OS9: variants seen among roughly 807,000 people sequenced by gnomAD.
OS9 encodes protein OS-9.
OS9 carries 58 observed loss-of-function variants against 84.7 expected under a neutral mutation model. The ratio of observed to expected loss-of-function variants is 0.68; its 90% CI spans 0.55 to 0.85. The LOEUF (loss-of-function observed/expected upper bound fraction) is 0.85, where lower values mean the gene tolerates loss of function less well. Among genes scored for constraint, OS9 ranks in the 40% least tolerant of loss-of-function variants. OS9 has a pLI of 0.00. For synonymous variants in OS9, 278 were observed against 320.8 expected (o/e 0.87, Z 1.43); for missense variants, 760 against 850.9 (o/e 0.89, Z 1.33).
rs1428938211 is a variant in OS9, at chr12:57,720,182, A to G, written c.1684A>G (p.Met562Val). ...GPNQDLTVLE[M>V]KRENPQLKQI... ...TAATCAGGATCTGACTGTCCTCGAG[A>G]TGAAACGGGAAAACCCACAGCTGAA... The change falls in exon 13 of 15, where the codon ATG becomes GTG. Residue 562 changes from methionine to valine, a missense_variant. Physicochemically the swap from Met to Val is conservative, Grantham distance 21. Coordinates refer to ENST00000315970, the MANE Select transcript of OS9 (RefSeq NM_006812.4). The G allele has an allele frequency of 6.2e-7, 1 of 1,614,112 alleles. No individual in the cohort carries two copies. Among genetic ancestry groups the G allele is most frequent in the Non-Finnish European group, 8.5e-7 (1 of 1,180,014 alleles).
In OS9 at chr12:57,695,801, G is replaced by A. The variant is rs1953809737; in HGVS notation, c.361G>A (p.Glu121Lys). The A allele has an allele frequency of 1.2e-6, 2 of 1,611,060 alleles. No homozygotes were observed. Among genetic ancestry groups the A allele is most frequent in the Non-Finnish European group, 1.7e-6 (2 of 1,177,230 alleles). The change falls in exon 3 of 15, where the codon GAA (glutamate) becomes AAA (lysine). Residue 121 changes from glutamate to lysine, a missense_variant. Physicochemically the swap from Glu to Lys is moderately conservative, Grantham distance 56. Transcript: ENST00000315970. ...TCAGACAAAGGACTGGTGGACATAT[G>A]AATTCTGTTATGGACGCCACATCCA... Reference protein sequence around the residue: ...LLKTKDWWTYEFCYGRHIQQY... With the variant: ...LLKTKDWWTYKFCYGRHIQQY...
intron 5 of OS9, among the ~76,000 whole-genome samples, chr12:57,701,251 C>A (rs73125462): frequency 7.0e-6 from 1 of 141,992 alleles, no homozygotes; most frequent in Non-Finnish European, 1.5e-5. Flanking sequence ...ACATGGAACT[C>A]TGGTTGAGTG....
intron 5 of OS9, among the ~76,000 whole-genome samples, chr12:57,708,803 T>C (rs1954248692): frequency 6.6e-6 from 1 of 152,136 alleles, no homozygotes; most frequent in Non-Finnish European, 1.5e-5. Context: ...GATATGTAAA[T>C]TGAGTTCCTG....
At chr12:57,719,319 A>G in intron 12 of OS9, 137 bp downstream of exon 12, 1 of 685,650 alleles carries the variant, frequency 1.5e-6, no homozygotes, top group Non-Finnish European at 2.5e-6. Flanking sequence ...CACTGTCCTC[A>G]CTTGCGCCTG....
intron 5 of OS9, among the ~76,000 whole-genome samples, chr12:57,712,794 A>G (rs1288960986): frequency 6.6e-6 from 1 of 151,784 alleles, no homozygotes; most frequent in African/African-American, 2.4e-5. Flanking sequence ...TGAAGCCTCT[A>G]GTGTCTCTTC....
At chr12:57,697,932 C>A (rs199578813) in intron 5 of OS9, among the ~76,000 whole-genome samples, 2,766 of 112,392 alleles carry the variant, frequency 0.025, 51 homozygotes, top group East Asian at 0.044. Flanking sequence ...CATACACACA[C>A]ACACACACAC....
chr12:57,714,736 C>T (rs12424011), intron 5 of OS9, among the ~76,000 whole-genome samples: 15,892 of 152,142 alleles, frequency 0.1, 1,126 homozygotes, highest in Admixed American at 0.21. Flanking sequence ...GCTAAGACTA[C>T]AGGTGCACAC....
intron 5 of OS9, among the ~76,000 whole-genome samples, chr12:57,701,360 C>T (rs751835129): frequency 2.7e-5 from 4 of 146,386 alleles, no homozygotes; most frequent in Non-Finnish European, 5.9e-5. Context: ...ACTGCAACCT[C>T]GGCCTCCTGG....
Position 57,718,270 on chromosome 12 carries a change from A to G in OS9, c.1259A>G (p.Asp420Gly). Residue 420 changes from aspartate (D) to glycine (G), a missense_variant, in exon 11 of 15, where the codon GAT becomes GGT. Physicochemically the swap from Asp to Gly is moderately conservative, Grantham distance 94. Transcript: ENST00000315970. The part of the protein sequence containing the change: ...QREMEEEEDE[D>G]EDEDEDEDER... ...GAGATGGAAGAAGAGGAGGATGAGG[A>G]TGAGGATGAGGATGAAGATGAGGAT... The G allele has an allele frequency of 6.2e-7, 1 of 1,614,046 alleles. No individual in the cohort carries two copies. Among genetic ancestry groups the G allele is most frequent in the East Asian group, 2.2e-5 (1 of 44,888 alleles).
intron 2 of OS9, 82 bp downstream of exon 2, chr12:57,695,008 G>A (rs551854553): frequency 2.6e-4 from 323 of 1,266,362 alleles, no homozygotes; most frequent in Non-Finnish European, 3.0e-5. Flanking sequence ...AATGAGGCAG[G>A]ATCTAGGGGA....
At chr12:57,697,091 T>C (rs1213208359) in intron 5 of OS9, among the ~76,000 whole-genome samples, 2 of 152,226 alleles carry the variant, frequency 1.3e-5, no homozygotes, top group Non-Finnish European at 2.9e-5. Context: ...AGAGTTATCT[T>C]TCCATAATGC....
chr12:57,715,662 T>G, intron 5 of OS9, 98 bp from the exon 6 acceptor site: 1 of 838,624 alleles, frequency 1.2e-6, no homozygotes, highest in South Asian at 1.7e-5. Flanking sequence ...TGCACAATGC[T>G]TGACAGATAA....
At chr12:57,708,135 GCATAATCACA>G (rs1011329329) in intron 5 of OS9, among the ~76,000 whole-genome samples, 16 of 151,906 alleles carry the variant, frequency 1.1e-4, no homozygotes, top group African/African-American at 3.9e-4. Context: ...TTCTGAATAG[GCATAATCACA>G]TTCACATAAC....
chr12:57,697,120 G>T (rs1174537607), intron 5 of OS9, among the ~76,000 whole-genome samples: 1 of 152,226 alleles, frequency 6.6e-6, no homozygotes, highest in Non-Finnish European at 1.5e-5. Flanking sequence ...ACCTGCAGTT[G>T]TGTGCTGGTA....
intron 7 of OS9, 85 bp downstream of exon 7, chr12:57,716,278 GT>G (rs1818816998): frequency 1.5e-6 from 1 of 669,130 alleles, no homozygotes; most frequent in South Asian, 1.5e-5. Flanking sequence ...GACTGGTGGG[GT>G]GGGGGGGGGT....
intron 5 of OS9, among the ~76,000 whole-genome samples, chr12:57,696,701 CAGG>C (rs1237522327): frequency 3.3e-5 from 5 of 152,090 alleles, no homozygotes; most frequent in Middle Eastern, 6.8e-3. Flanking sequence ...GAGGCTGAGA[CAGG>C]AGAATTGCTT....
intron 12 of OS9, chr12:57,719,575 G>C (rs573040727): frequency 1.9e-5 from 4 of 213,458 alleles, no homozygotes; most frequent in Non-Finnish European, 3.7e-5. Context: ...GGAGAGCCCA[G>C]CTGCACATGA....
rs1359772196 is a variant in OS9 at position 57,720,200 on chromosome 12, C to T, written c.1702C>T (p.Gln568Ter). 8 of 1,614,232 alleles carry T rather than the reference C, an allele frequency of 5.0e-6. No homozygotes were observed. The highest frequency in any genetic ancestry group is 6.8e-6 in the Non-Finnish European group (8 of 1,180,050). Reference sequence around the variant, plus strand: ...CCTCGAGATGAAACGGGAAAACCCACAGCTGAAACAAATCGAGGGGCTGGT... The same window carrying T: ...CCTCGAGATGAAACGGGAAAACCCATAGCTGAAACAAATCGAGGGGCTGGT... ...TVLEMKRENPQLKQIEGLVKE... is the reference protein window; with the variant it reads ...TVLEMKRENP The change falls in exon 13 of 15, where the codon CAG (glutamine) becomes TAG (stop). Residue 568 changes from glutamine to a stop codon, truncating the protein, a stop_gained. Coordinates refer to ENST00000315970, the MANE Select transcript of OS9 (RefSeq NM_006812.4). LOFTEE classifies it high-confidence loss of function.
At chr12:57,704,187 G>A (rs1595042329) in intron 5 of OS9, among the ~76,000 whole-genome samples, 1 of 152,046 alleles carries the variant, frequency 6.6e-6, no homozygotes, top group African/African-American at 2.4e-5. Context: ...CTTTTAATAT[G>A]CTGCTGAATT....
Sources: gnomAD v4.1 joint callset for allele counts (sites outside exome capture counted in the v4.1 genomes callset) on GRCh38, gnomAD v4.1.1 for gene constraint, MANE v1.5 for transcripts, NCBI Gene and HGNC (gene_info 2026-07-23, HGNC 2026-07-21) for gene names.